NAV1: variants seen among roughly 807,000 people sequenced by gnomAD.
NAV1 encodes the protein pore membrane and/or filament interacting like protein 3.
Under a neutral mutation model 175.2 loss-of-function variants are expected in NAV1, and 18 were observed. The ratio of observed to expected loss-of-function variants is 0.10; its 90% confidence interval spans 0.07 to 0.15. NAV1 has a LOEUF of 0.15. NAV1 is among the 10% of genes least tolerant of loss of function. The probability of loss-of-function intolerance (pLI) is 1.00; values close to 1 mark genes in which losing one functional copy is unlikely to be tolerated. For synonymous variants in NAV1, 897 were observed against 978.7 expected (o/e 0.92, Z 1.56); for missense variants, 1,731 against 2,436.6 (o/e 0.71, Z 6.10).
chr1:201,757,867 G>A (rs1312641260), intron 3 of NAV1, among the ~76,000 whole-genome samples: 4 of 152,202 alleles, frequency 2.6e-5, no homozygotes, highest in African/African-American at 4.8e-5. Flanking sequence ...TAGTTGCGGT[G>A]GAATGAGACA....
chr1:201,777,037 A>AT (rs1675996996), intron 3 of NAV1, among the ~76,000 whole-genome samples: 1 of 152,254 alleles, frequency 6.6e-6, no homozygotes, highest in Admixed American at 6.5e-5. Context: ...CTGAAAGAAG[A>AT]TATTTTCAGC....
At chr1:201,664,058 G>C (rs1212132404) in intron 1 of NAV1, among the ~76,000 whole-genome samples, 2 of 152,176 alleles carry the variant, frequency 1.3e-5, no homozygotes, top group African/African-American at 4.8e-5. Flanking sequence ...TTGGGTTCTG[G>C]GAGGGAAGAT....
At chr1:201,651,841 G>A (rs1669218396) in intron 1 of NAV1, among the ~76,000 whole-genome samples, 1 of 152,108 alleles carries the variant, frequency 6.6e-6, no homozygotes, top group South Asian at 2.1e-4. Context: ...CCTGTCTCCA[G>A]CTGAGAGGAC....
At chr1:201,816,290 G>GA (rs1362011108) in intron 28 of NAV1, among the ~76,000 whole-genome samples, 2 of 152,056 alleles carry the variant, frequency 1.3e-5, no homozygotes, top group African/African-American at 4.8e-5. Flanking sequence ...AGAATAACTT[G>GA]AACCCAGAAG....
At chr1:201,599,727 C>T (rs1448668919) in intron 2 of NAV1, among the ~76,000 whole-genome samples, 2 of 152,082 alleles carry the variant, frequency 1.3e-5, no homozygotes, top group South Asian at 2.1e-4. Context: ...GCGCCACTCA[C>T]GCAATTGCTA....
exon 13 of NAV1, chr1:201,790,742 C>A: frequency 6.2e-7 from 1 of 1,614,172 alleles, no homozygotes; most frequent in Non-Finnish European, 8.5e-7. Flanking sequence ...AAGTGGCCAC[C>A]TTGACGTCTC....
At chr1:201,673,545 C>T (rs1670130608) in intron 1 of NAV1, among the ~76,000 whole-genome samples, 1 of 152,194 alleles carries the variant, frequency 6.6e-6, no homozygotes, top group South Asian at 2.1e-4. Flanking sequence ...CAGCATTGGC[C>T]ATTCTCACCT....
chr1:201,789,569 A>G (rs1024717783), intron 10 of NAV1, among the ~76,000 whole-genome samples, 171 bp from the exon 15 acceptor site: 1 of 152,170 alleles, frequency 6.6e-6, no homozygotes. Flanking sequence ...GCTTGACTCA[A>G]GACCTTGCTT....
intron 3 of NAV1, chr1:201,724,991 T>G (rs1353201817): frequency 1.3e-5 from 2 of 152,382 alleles, no homozygotes; most frequent in African/African-American, 4.8e-5. Flanking sequence ...GCTCCCAGAA[T>G]CAGCGAGCTC....
chr1:201,776,357 A>AAAAAAAAAAC (rs1675942336), intron 3 of NAV1, among the ~76,000 whole-genome samples: 1 of 150,292 alleles, frequency 6.7e-6, no homozygotes. Context: ...AAAAAAAAAA[A>AAAAAAAAAAC]AAGTTCGGGC....
intron 3 of NAV1, among the ~76,000 whole-genome samples, chr1:201,751,724 T>C (rs1392778059): frequency 6.6e-6 from 1 of 152,196 alleles, no homozygotes; most frequent in South Asian, 2.1e-4. Flanking sequence ...GTTTGAGAAG[T>C]TTAAATCCTT....
exon 5 of NAV1, chr1:201,781,166 G>A (rs1384320340): frequency 2.5e-6 from 4 of 1,614,176 alleles, no homozygotes; most frequent in Non-Finnish European, 3.4e-6. Context: ...CGGCCTGAGA[G>A]CTGTGATGAT....
At chr1:201,806,281 A>C (rs1380430268) in intron 17 of NAV1, among the ~76,000 whole-genome samples, 1 of 152,104 alleles carries the variant, frequency 6.6e-6, no homozygotes, top group Non-Finnish European at 1.5e-5. Context: ...CACTGCGCCC[A>C]GCCTAAGTAC....
intron 1 of NAV1, among the ~76,000 whole-genome samples, chr1:201,663,852 C>G (rs1669709760): frequency 6.6e-6 from 1 of 152,072 alleles, no homozygotes; most frequent in African/African-American, 2.4e-5. Context: ...TCTAGCCCTG[C>G]TTCTGAGCCA....
At chr1:201,674,728 T>C (rs1670177012) in intron 1 of NAV1, among the ~76,000 whole-genome samples, 1 of 151,858 alleles carries the variant, frequency 6.6e-6, no homozygotes, top group African/African-American at 2.4e-5. Flanking sequence ...GCCACACAAT[T>C]TTAAATAACC....
At chr1:201,657,816 G>T (rs1179004802) in intron 1 of NAV1, among the ~76,000 whole-genome samples, 1 of 152,204 alleles carries the variant, frequency 6.6e-6, no homozygotes, top group Non-Finnish European at 1.5e-5. Context: ...TGGATCACTT[G>T]AGCTCAGGAG....
chr1:201,619,138 T>G (rs1326306987), upstream of NAV1, among the ~76,000 whole-genome samples: 1 of 152,146 alleles, frequency 6.6e-6, no homozygotes, highest in African/African-American at 2.4e-5. Context: ...CATGGGAATG[T>G]TTTAAATCCT....
chr1:201,598,577 G>T (rs1299703437), intron 2 of NAV1, among the ~76,000 whole-genome samples: 1 of 152,216 alleles, frequency 6.6e-6, no homozygotes, highest in African/African-American at 2.4e-5. Flanking sequence ...AAGAAAACTG[G>T]CAGGACCACA....
rs556569651 is a variant in NAV1 at position 201,667,962 on chromosome 1, C to T, written c.757+18537C>T. On this transcript the variant is annotated intron_variant, in intron 1 of 29. Coordinates refer to ENST00000367296, the Ensembl canonical transcript of NAV1. ...GCATCTGATGGGCCAGTCTCACTGG[C>T]CAGAGTCCCATCACAGGCCATGGCC... Among the ~76,000 whole-genome samples the T allele has an allele frequency of 2.0e-5, 3 of 152,284 alleles. No individual in the cohort carries two copies. In the South Asian group the frequency reaches 6.2e-4, roughly 32 times the overall value.
Sources: gnomAD v4.1 joint callset for allele counts (sites outside exome capture counted in the v4.1 genomes callset) on GRCh38, gnomAD v4.1.1 for gene constraint, MANE v1.5 for transcripts, NCBI Gene and HGNC (gene_info 2026-07-23, HGNC 2026-07-21) for gene names.